KSR1: variants seen among roughly 807,000 people sequenced by gnomAD.
KSR1 encodes the protein kinase suppressor of ras.
A neutral mutation model predicts 92.9 loss-of-function variants in KSR1; 35 were observed. The observed-to-expected ratio is 0.38, with a 90% confidence interval of 0.29 to 0.50. The LOEUF (loss-of-function observed/expected upper bound fraction) is 0.50, where lower values mean the gene tolerates loss of function less well. Among genes scored for constraint, KSR1 ranks in the 20% least tolerant of loss-of-function variants. The pLI is 0.94. For synonymous variants in KSR1, 467 were observed against 472.6 expected, an observed-to-expected ratio of 0.99 and a Z score of 0.15; for missense variants, 972 against 1,158.5, an observed-to-expected ratio of 0.84 and a Z score of 2.34.
intron 2 of KSR1, among the ~76,000 whole-genome samples, chr17:27,576,900 T>G (rs2072526773): frequency 6.6e-6 from 1 of 152,116 alleles, no homozygotes; most frequent in Non-Finnish European, 1.5e-5. Context: ...GCCTGCCACT[T>G]TCTTCACCGT....
intron 2 of KSR1, among the ~76,000 whole-genome samples, chr17:27,562,026 A>G (rs565417515): frequency 2.0e-5 from 3 of 152,226 alleles, no homozygotes; most frequent in African/African-American, 4.8e-5. Context: ...TTGTATTTTT[A>G]GTAGAGACGG....
intron 19 of KSR1, among the ~76,000 whole-genome samples, chr17:27,618,236 C>T (rs1473810466): frequency 2.0e-5 from 3 of 152,174 alleles, no homozygotes; most frequent in African/African-American, 7.2e-5. Flanking sequence ...ACACACAGCC[C>T]TTTGCACCCC....
Position 27,560,447 on chromosome 17 carries a change from G to T in KSR1, c.372+9739G>T, listed in dbSNP as rs751128968. The T allele has an allele frequency of 1.5e-5, 8 of 518,958 alleles. No individual in the cohort carries two copies. The Admixed American group carries it at 1.6e-4, about 10-fold the overall frequency. The allele number at this position is 518,958 out of a possible 1,614,324, so 32.1% of individuals were successfully genotyped here. A position where few individuals can be genotyped will look rare whatever the true frequency, so the allele number is the denominator to read the frequency against. On this transcript the variant is annotated intron_variant, in intron 2 of 20. Coordinates refer to ENST00000644974, the MANE Select transcript of KSR1 (RefSeq NM_001394583.1). ...TGGTGGTTCCTGAACTGAAGATGCA[G>T]GCGGATCTGGTAAGGGGATTTTTGT...
At chr17:27,482,477 A>C (rs2068540446) in intron 1 of KSR1, among the ~76,000 whole-genome samples, 1 of 152,218 alleles carries the variant, frequency 6.6e-6, no homozygotes, top group Non-Finnish European at 1.5e-5. Flanking sequence ...GAGTCTCGGC[A>C]CTGGAGATTT....
At position 27,518,406 on chromosome 17, in the gene KSR1, C is replaced by T. The variant is rs149555749; in HGVS notation, c.232-32162C>T. 6.4e-4 allele frequency among the ~76,000 whole-genome samples: 98 copies of T among 152,278 alleles called. No individual in the cohort carries two copies. The East Asian group carries it at 0.018, about 28-fold the overall frequency. On this transcript the variant is annotated intron_variant, in intron 1 of 20. Transcript: ENST00000644974. ...AGAAAAAGGCAGAAGGTATGTATTT[C>T]GAAAGCATCCTATAGTTTTCTTTCC... is the stretch of plus-strand genomic sequence containing the variant.
At position 27,577,608 on chromosome 17, in the gene KSR1, C is replaced by A; in HGVS notation, c.489C>A (p.Ala163=). ...SGDECGRLQY[A]LTCLRKVTGL... ...ATGAGTGTGGCCGTCTGCAGTATGC[C>A]CTCACCTGCCTGCGGAAGGTGACAG... Residue 163 remains alanine, a synonymous_variant, in exon 3 of 21, where the codon GCC becomes GCA. Coordinates refer to ENST00000644974, the MANE Select transcript of KSR1 (RefSeq NM_001394583.1). The surrounding 1 kb of genome is among the most constrained non-coding windows in gnomAD (Gnocchi z 4.5). The A allele has an allele frequency of 6.3e-7, 1 of 1,591,660 alleles. No individual in the cohort carries two copies. Among genetic ancestry groups the A allele is most frequent in the Non-Finnish European group, 8.5e-7 (1 of 1,173,774 alleles).
chr17:27,577,669 C>A lies in KSR1; in HGVS notation c.520+30C>A. 6.7e-7 allele frequency: 1 copy of A among 1,500,438 alleles called. No homozygotes were observed. The highest frequency in any genetic ancestry group is 9.0e-7 in the Non-Finnish European group (1 of 1,113,514). 92.9% of individuals were successfully genotyped at this position (1,500,438 alleles called of 1,614,324 possible). On this transcript the variant is annotated intron_variant, in intron 3 of 20. Transcript: ENST00000644974. This position sits in a 1 kb window ranked among gnomAD's most constrained non-coding sequence, Gnocchi z 4.5. ...GTGGGGCCTGCCACCCTCTCCCTTGCCTGGCCTGGTGCCCTTGGGGCTGTG... is the reference window on the plus strand; with the variant it reads ...GTGGGGCCTGCCACCCTCTCCCTTGACTGGCCTGGTGCCCTTGGGGCTGTG...
At chr17:27,473,616 A>G (rs986146337) in intron 1 of KSR1, among the ~76,000 whole-genome samples, 2 of 152,130 alleles carry the variant, frequency 1.3e-5, no homozygotes, top group African/African-American at 4.8e-5. Flanking sequence ...GAAGGGTTCT[A>G]GCTACAAAGG....
In KSR1 at chr17:27,577,669, C is replaced by T. The variant is rs1351331896; in HGVS notation, c.520+30C>T. 1 of 1,500,444 alleles carries T rather than the reference C, an allele frequency of 6.7e-7. No individual in the cohort carries two copies. The highest frequency in any genetic ancestry group is 9.0e-7 in the Non-Finnish European group (1 of 1,113,518). 92.9% of individuals were successfully genotyped at this position (1,500,444 alleles called of 1,614,324 possible). A position where few individuals can be genotyped will look rare whatever the true frequency, so the allele number is the denominator to read the frequency against. On this transcript the variant is annotated intron_variant, in intron 3 of 20. Transcript: ENST00000644974. This position sits in a 1 kb window ranked among gnomAD's most constrained non-coding sequence, Gnocchi z 4.5. ...GTGGGGCCTGCCACCCTCTCCCTTG[C>T]CTGGCCTGGTGCCCTTGGGGCTGTG...
intron 1 of KSR1, among the ~76,000 whole-genome samples, chr17:27,498,202 C>T (rs1408729545): frequency 4.6e-5 from 7 of 151,710 alleles, no homozygotes; most frequent in African/African-American, 1.7e-4. Context: ...TGGTGGCGGG[C>T]GCCTGTGGTC....
chr17:27,601,861 T>A (rs1480357073), intron 11 of KSR1: 1 of 1,567,296 alleles, frequency 6.4e-7, no homozygotes, highest in South Asian at 1.2e-5. Context: ...CTTCTCTTAG[T>A]GGGCTTCACC....
intron 12 of KSR1, 123 bp downstream of exon 12, chr17:27,604,011 G>A: frequency 1.0e-6 from 1 of 973,350 alleles, no homozygotes; most frequent in Non-Finnish European, 1.6e-6. Context: ...GAACTCCCTG[G>A]GCTCATTCAC....
Position 27,623,534 on chromosome 17 carries a change from C to G in KSR1, c.*142C>G. Reference sequence around the variant, plus strand: ...CACGTCCTAGATTCAGACTGTTGGCCATAAACCCCACTCGGGAGATGGAGC... The same window carrying G: ...CACGTCCTAGATTCAGACTGTTGGCGATAAACCCCACTCGGGAGATGGAGC... On this transcript the variant is annotated 3_prime_UTR_variant, in exon 21 of 21. Transcript: ENST00000644974. 1 of 673,282 alleles carries G rather than the reference C, an allele frequency of 1.5e-6. No homozygotes were observed. Among genetic ancestry groups the G allele is most frequent in the Non-Finnish European group, 2.7e-6 (1 of 375,928 alleles). 41.7% of individuals were successfully genotyped at this position (673,282 alleles called of 1,614,324 possible). A position where few individuals can be genotyped will look rare whatever the true frequency, so the allele number is the denominator to read the frequency against.
chr17:27,474,182 C>T (rs561730708), intron 1 of KSR1, among the ~76,000 whole-genome samples: 1 of 152,368 alleles, frequency 6.6e-6, no homozygotes, highest in South Asian at 2.1e-4. Flanking sequence ...GCCAAACTTC[C>T]TCTCTGGCCC....
At chr17:27,473,581 C>T (rs2140223) in intron 1 of KSR1, among the ~76,000 whole-genome samples, 140,236 of 152,202 alleles carry the variant, frequency 0.92, 64,649 homozygotes, top group East Asian at 1. Context: ...TATCTGATCA[C>T]CTCAAATAAT....
intron 19 of KSR1, 179 bp from the exon 20 acceptor site, chr17:27,621,014 C>G (rs2074208878): frequency 7.6e-6 from 3 of 393,544 alleles, no homozygotes; most frequent in Admixed American, 8.9e-5. Flanking sequence ...TTTCTCTTTT[C>G]TTTCCATTGA....
At chr17:27,545,438 C>A (rs2071132303) in intron 1 of KSR1, among the ~76,000 whole-genome samples, 1 of 152,224 alleles carries the variant, frequency 6.6e-6, no homozygotes. Context: ...TTAATCCCAG[C>A]ACTTTGGGAA....
intron 1 of KSR1, among the ~76,000 whole-genome samples, chr17:27,549,454 G>C (rs116355084): frequency 0.019 from 2,937 of 152,312 alleles, 54 homozygotes; most frequent in African/African-American, 0.055. Context: ...CCCTCCTTGT[G>C]CTTCTCTGTA....
At chr17:27,612,495 A>G (rs1175081663) in intron 18 of KSR1, 1 of 152,250 alleles carries the variant, frequency 6.6e-6, no homozygotes, top group Non-Finnish European at 1.5e-5. Context: ...TCAGACATAC[A>G]AGCCCAAGAA....
Sources: gnomAD v4.1 joint callset for allele counts (sites outside exome capture counted in the v4.1 genomes callset) on GRCh38, gnomAD v4.1.1 for gene constraint, Gnocchi (gnomAD v3.1) non-coding constraint, MANE v1.5 for transcripts, NCBI Gene and HGNC (gene_info 2026-07-23, HGNC 2026-07-21) for gene names.